Variants in SLC10A7 observed in about 807,000 individuals in gnomAD.
SLC10A7 encodes solute carrier family 10 member 7.
In SLC10A7, 29 loss-of-function variants were observed where a neutral mutation model predicts 43.2. The observed-to-expected ratio is 0.67, with a 90% confidence interval of 0.50 to 0.92. SLC10A7 has a LOEUF of 0.92. SLC10A7 is among the 40% of genes least tolerant of loss of function. The pLI is 0.00. For missense variants in SLC10A7, 295 were observed against 403.2 expected (o/e 0.73, Z 2.30); for synonymous variants, 152 against 144.8 (o/e 1.05, Z -0.35).
At chr4:146,295,931 C>T (rs2111200259) in intron 7 of SLC10A7, among the ~76,000 whole-genome samples, 1 of 152,278 alleles carries the variant, frequency 6.6e-6, no homozygotes, top group Middle Eastern at 3.4e-3. Context: ...GTGTCTTCCT[C>T]TCCTACCAGC....
chr4:146,311,481 A>T (rs1449746378), intron 6 of SLC10A7, among the ~76,000 whole-genome samples: 2 of 152,168 alleles, frequency 1.3e-5, no homozygotes, highest in Middle Eastern at 3.2e-3. Context: ...TCCATTAGCC[A>T]CAGGCATCTC....
chr4:146,460,925 AG>A (rs1291168060), intron 4 of SLC10A7, among the ~76,000 whole-genome samples: 1 of 151,988 alleles, frequency 6.6e-6, no homozygotes, highest in African/African-American at 2.4e-5. Flanking sequence ...AATGGTTTTG[AG>A]GTTTACACAG....
At chr4:146,482,783 CA>C (rs1734586669) in intron 4 of SLC10A7, among the ~76,000 whole-genome samples, 1 of 152,062 alleles carries the variant, frequency 6.6e-6, no homozygotes, top group Admixed American at 6.5e-5. Context: ...AGAATTCTCC[CA>C]GGGGCATTAT....
chr4:146,366,559 C>T (rs1359627426), intron 5 of SLC10A7, among the ~76,000 whole-genome samples: 2 of 152,082 alleles, frequency 1.3e-5, no homozygotes, highest in East Asian at 3.8e-4. Context: ...GAGTACACAG[C>T]CATACTAAGC....
At chr4:146,512,926 A>C (rs1737615949) in intron 2 of SLC10A7, among the ~76,000 whole-genome samples, 1 of 152,086 alleles carries the variant, frequency 6.6e-6, no homozygotes, top group Non-Finnish European at 1.5e-5. Flanking sequence ...TTGATGTACA[A>C]AAAAAATGGG....
intron 2 of SLC10A7, among the ~76,000 whole-genome samples, chr4:146,512,269 C>T (rs1007052809): frequency 2.0e-5 from 3 of 152,070 alleles, no homozygotes; most frequent in African/African-American, 7.2e-5. Context: ...CCCCCGTGCC[C>T]GGACTGCATA....
At chr4:146,404,254 C>T (rs1337984691) in intron 5 of SLC10A7, among the ~76,000 whole-genome samples, 5 of 152,002 alleles carry the variant, frequency 3.3e-5, no homozygotes, top group South Asian at 2.1e-4. Context: ...TCCTGGACTC[C>T]AGCAATCCAA....
intron 6 of SLC10A7, among the ~76,000 whole-genome samples, chr4:146,324,820 T>C (rs1235762271): frequency 2.0e-5 from 3 of 152,184 alleles, no homozygotes; most frequent in Admixed American, 1.3e-4. Context: ...AATTCTGCGT[T>C]GGTGAAGTCC....
At chr4:146,429,683 C>A (rs1168563197) in intron 5 of SLC10A7, among the ~76,000 whole-genome samples, 10 of 152,010 alleles carry the variant, frequency 6.6e-5, no homozygotes, top group Non-Finnish European at 1.2e-4. Context: ...TCTATAGTAA[C>A]CCATTACAAT....
chr4:146,365,614 A>C (rs1459345300), intron 5 of SLC10A7, among the ~76,000 whole-genome samples: 1 of 152,240 alleles, frequency 6.6e-6, no homozygotes, highest in African/African-American at 2.4e-5. Context: ...GATGTTTACC[A>C]AGTTAATACT....
intron 4 of SLC10A7, among the ~76,000 whole-genome samples, chr4:146,485,188 CG>C (rs1734809196): frequency 2.0e-5 from 3 of 152,130 alleles, no homozygotes; most frequent in Admixed American, 6.5e-5. Flanking sequence ...GTCACACAGG[CG>C]GGAATTAAAG....
intron 3 of SLC10A7, among the ~76,000 whole-genome samples, chr4:146,508,223 A>C (rs1234230781): frequency 6.6e-6 from 1 of 152,160 alleles, no homozygotes; most frequent in East Asian, 1.9e-4. Context: ...TCATCTGAAA[A>C]ATCACATGGT....
At chr4:146,377,193 C>T (rs867617171) in intron 5 of SLC10A7, among the ~76,000 whole-genome samples, 1 of 151,974 alleles carries the variant, frequency 6.6e-6, no homozygotes, top group Non-Finnish European at 1.5e-5. Flanking sequence ...TCTAATTAGA[C>T]GGGGAGGAAA....
At position 146,270,628 on chromosome 4, in the gene SLC10A7, T is replaced by C. The variant is rs1360305010; in HGVS notation, c.848-11791A>G. Among the ~76,000 whole-genome samples, 4 of 152,150 alleles carry C rather than the reference T, an allele frequency of 2.6e-5. No individual in the cohort carries two copies. In the East Asian group the frequency reaches 7.7e-4, roughly 29 times the overall value. On this transcript the variant is annotated intron_variant, in intron 10 of 11. Coordinates refer to ENST00000335472, the MANE Select transcript of SLC10A7 (RefSeq NM_001029998.6). ...CGGCACAGCTCCCAGGTGATTCTAATGTGGGCCAGGTTAAAGAGCCAGGTC... is the reference window on the plus strand; with the variant it reads ...CGGCACAGCTCCCAGGTGATTCTAACGTGGGCCAGGTTAAAGAGCCAGGTC...
intron 4 of SLC10A7, among the ~76,000 whole-genome samples, chr4:146,463,977 C>T (rs887382706): frequency 3.3e-5 from 5 of 151,918 alleles, no homozygotes; most frequent in Middle Eastern, 3.4e-3. Context: ...TATGTGCCAC[C>T]ATACCTAGCT....
chr4:146,267,957 A>G (rs1441415804), intron 10 of SLC10A7, among the ~76,000 whole-genome samples: 1 of 152,138 alleles, frequency 6.6e-6, no homozygotes, highest in Non-Finnish European at 1.5e-5. Context: ...ATATGTACCA[A>G]TGGAATTTTA....
chr4:146,259,727 C>T lies in SLC10A7; in HGVS notation c.848-890G>A, dbSNP rs1728105776. ...GTGTGTATATTTTATAAGCTGCTGC[C>T]TATAGAGCATAATTTTTGAGCTTCT... On this transcript the variant is annotated intron_variant, in intron 10 of 11. Coordinates refer to ENST00000335472, the MANE Select transcript of SLC10A7 (RefSeq NM_001029998.6). Among the ~76,000 whole-genome samples, 3 of 152,318 alleles carry T rather than the reference C, an allele frequency of 2.0e-5. 1 individual carries two copies. The South Asian group carries it at 6.2e-4, about 32-fold the overall frequency.
At chr4:146,264,806 G>A (rs796535179) in intron 10 of SLC10A7, among the ~76,000 whole-genome samples, 1 of 152,120 alleles carries the variant, frequency 6.6e-6, no homozygotes, top group African/African-American at 2.4e-5. Context: ...AAATTCTGTA[G>A]ATTTTTTTCC....
intron 5 of SLC10A7, among the ~76,000 whole-genome samples, chr4:146,422,082 C>A (rs1729003900): frequency 1.3e-5 from 2 of 152,142 alleles, no homozygotes; most frequent in South Asian, 4.2e-4. Context: ...GATATATGTA[C>A]AACATGAAGT....
Sources: allele counts gnomAD v4.1 joint callset (sites outside exome capture counted in the v4.1 genomes callset), GRCh38; gene constraint gnomAD v4.1.1; transcripts MANE v1.5; gene names NCBI Gene and HGNC (gene_info 2026-07-23, HGNC 2026-07-21).